MED12L: variants seen among roughly 807,000 people sequenced by gnomAD.
The protein encoded by MED12L is mediator of RNA polymerase II transcription subunit 12-like protein.
MED12L carries 60 observed loss-of-function variants against 281.3 expected under a neutral mutation model. The observed-to-expected ratio is 0.21, with a 90% CI of 0.17 to 0.26. The LOEUF is 0.26. Among genes scored for constraint, MED12L ranks in the 10% least tolerant of loss-of-function variants. MED12L has a pLI of 1.00. For synonymous variants in MED12L, 974 were observed against 987.2 expected (o/e 0.99, Z 0.25); for missense variants, 2,146 against 2,680.9 (o/e 0.80, Z 4.41).
At chr3:151,294,436 C>T (rs199886869) in intron 16 of MED12L, 93 of 1,614,090 alleles carry the variant, frequency 5.8e-5, no homozygotes, top group Middle Eastern at 1.6e-4. Flanking sequence ...GAATTCTGCA[C>T]AAGTGATATG....
chr3:151,360,507 C>G lies in MED12L; in HGVS notation c.2859C>G (p.Pro953=), dbSNP rs756617670. 2 of 1,612,898 alleles carry G rather than the reference C, an allele frequency of 1.2e-6. No individual in the cohort carries two copies. The highest frequency in any genetic ancestry group is 2.2e-5 in the East Asian group (1 of 44,838). Residue 953 remains proline (P), a synonymous_variant, in exon 21 of 45, where the codon CCC becomes CCG. Coordinates refer to ENST00000687756, the MANE Select transcript of MED12L (RefSeq NM_001393769.1). The part of the protein sequence containing the change: ...LCGVVKHVVN[P]SECSSPERCI... ...GTGTGGTCAAGCATGTCGTAAACCC[C>G]TCAGAATGTTCTTCCCCTGAAAGAT... is the stretch of plus-strand genomic sequence containing the variant.
chr3:151,424,444 C>T (rs947206114), intron 43 of MED12L, among the ~76,000 whole-genome samples: 1 of 152,036 alleles, frequency 6.6e-6, no homozygotes, highest in Non-Finnish European at 1.5e-5. Context: ...CACGGTGAAA[C>T]CTGTCTGTAT....
At chr3:151,307,533 C>CTG (rs67391329) in intron 16 of MED12L, among the ~76,000 whole-genome samples, 322 of 137,776 alleles carry the variant, frequency 2.3e-3, no homozygotes, top group South Asian at 6.7e-3. Flanking sequence ...GTAACTTGCT[C>CTG]TGTGTGTGTG....
At chr3:151,159,634 GTTTC>G (rs1298737026) in intron 7 of MED12L, among the ~76,000 whole-genome samples, 194 bp from the exon 8 acceptor site, 2 of 152,052 alleles carry the variant, frequency 1.3e-5, no homozygotes, top group Non-Finnish European at 2.9e-5. Context: ...ATTTTTGCCT[GTTTC>G]TTATTTTTTT....
intron 16 of MED12L, among the ~76,000 whole-genome samples, chr3:151,341,395 A>T (rs1407182048): frequency 6.6e-6 from 1 of 152,062 alleles, no homozygotes; most frequent in South Asian, 2.1e-4. Flanking sequence ...GAATTTAAAT[A>T]TAAACAATTT....
chr3:151,368,912 C>A (rs1449916550), intron 25 of MED12L, among the ~76,000 whole-genome samples: 1 of 151,782 alleles, frequency 6.6e-6, no homozygotes, highest in East Asian at 1.9e-4. Flanking sequence ...TAGGCATGCA[C>A]CACCATGCCT....
intron 42 of MED12L, 22 bp downstream of exon 42, chr3:151,413,317 G>C: frequency 6.2e-7 from 1 of 1,611,002 alleles, no homozygotes; most frequent in Non-Finnish European, 8.5e-7. Flanking sequence ...GGAGATGAGG[G>C]CAATGCCATC....
At chr3:151,285,701 GA>G (rs1559982785) in intron 16 of MED12L, among the ~76,000 whole-genome samples, 1 of 151,884 alleles carries the variant, frequency 6.6e-6, no homozygotes, top group Non-Finnish European at 1.5e-5. Flanking sequence ...AAAAATAAAA[GA>G]AAAAAACATA....
chr3:151,330,943 TA>T (rs1364087896), intron 16 of MED12L, among the ~76,000 whole-genome samples: 2 of 152,230 alleles, frequency 1.3e-5, no homozygotes, highest in African/African-American at 4.8e-5. Context: ...AAATTAATTG[TA>T]AATTTTCCTA....
chr3:151,284,810 G>A (rs1743255052), intron 16 of MED12L, among the ~76,000 whole-genome samples: 1 of 152,128 alleles, frequency 6.6e-6, no homozygotes, highest in South Asian at 2.1e-4. Flanking sequence ...GTTTCTCTAT[G>A]TTGGTCAGGC....
intron 39 of MED12L, among the ~76,000 whole-genome samples, chr3:151,408,447 A>G (rs1409003037): frequency 2.0e-5 from 3 of 152,214 alleles, no homozygotes; most frequent in African/African-American, 7.2e-5. Flanking sequence ...TAATCCTACA[A>G]TAAATCTCAT....
rs147340757 is a variant in MED12L, at chr3:151,324,160, T to C, written c.2251-25899T>C. Among the ~76,000 whole-genome samples the C allele has an allele frequency of 1.4e-4, 21 of 152,360 alleles. No individual in the cohort carries two copies. In the East Asian group the frequency reaches 3.1e-3, roughly 22 times the overall value. On this transcript the variant is annotated intron_variant, in intron 16 of 44. Transcript: ENST00000687756. ...GTATGTTTACTTTGTGCTTCAGTTT[T>C]GTTCCTATTTTTAACTAGAGAGCCT...
At chr3:151,338,104 A>G in intron 16 of MED12L, 6 of 1,614,032 alleles carry the variant, frequency 3.7e-6, no homozygotes, top group Non-Finnish European at 5.1e-6. Flanking sequence ...GGAACAAAAC[A>G]AATAAAGAAT....
intron 16 of MED12L, among the ~76,000 whole-genome samples, chr3:151,238,081 C>G (rs1733287542): frequency 6.6e-6 from 1 of 152,090 alleles, no homozygotes; most frequent in African/African-American, 2.4e-5. Flanking sequence ...CTAACTAGTG[C>G]TTTTTGTATC....
chr3:151,394,535 AT>A (rs1375665782), intron 38 of MED12L, 120 bp from the exon 39 acceptor site: 1 of 1,484,542 alleles, frequency 6.7e-7, no homozygotes, highest in Non-Finnish European at 9.0e-7. Context: ...GGGACAGTGC[AT>A]TTTTTTCTAC....
chr3:151,286,228 G>A (rs149401828), intron 16 of MED12L, among the ~76,000 whole-genome samples: 8 of 152,128 alleles, frequency 5.3e-5, no homozygotes, highest in African/African-American at 1.9e-4. Context: ...CCAGTGCCTT[G>A]GAAAGGCAAA....
chr3:151,145,967 A>C (rs979031581), intron 5 of MED12L, among the ~76,000 whole-genome samples: 2 of 152,068 alleles, frequency 1.3e-5, no homozygotes, highest in Non-Finnish European at 2.9e-5. Flanking sequence ...TTCCCCTACA[A>C]CTTCCTGAGA....
At position 151,086,803 on chromosome 3, in the gene MED12L, C is replaced by CAGCG. The variant is rs925298962; in HGVS notation, c.-109_-106dup. On this transcript the variant is annotated 5_prime_UTR_variant, in exon 2 of 45. Coordinates refer to ENST00000687756, the MANE Select transcript of MED12L (RefSeq NM_001393769.1). ...TTTATTCCTCCTGCCTGCAGCGCCACAGCGAGCGAGCGAGCGAGGAGGGGG... is the reference window on the plus strand; with the variant it reads ...TTTATTCCTCCTGCCTGCAGCGCCACAGCGAGCGAGCGAGCGAGCGAGGAGGGGG... The CAGCG allele has an allele frequency of 7.2e-5, 53 of 731,134 alleles. No homozygotes were observed. Among genetic ancestry groups the CAGCG allele is most frequent in the East Asian group, 1.2e-4 (4 of 34,028 alleles). 45.3% of individuals were successfully genotyped at this position (731,134 alleles called of 1,614,324 possible).
Position 151,173,071 on chromosome 3 carries a change from C to T in MED12L, c.1494+7089C>T, listed in dbSNP as rs552479440. Among the ~76,000 whole-genome samples, 91 of 147,582 alleles carry T rather than the reference C, an allele frequency of 6.2e-4. 1 individual carries two copies. The highest frequency in any genetic ancestry group is 2.1e-3 in the African/African-American group (83 of 38,970). On this transcript the variant is annotated intron_variant, in intron 11 of 44. Transcript: ENST00000687756. Reference sequence around the variant, plus strand: ...TCTTGATTTGTTTTTGAGTATTATGCGACTTTTTTTTTTTTTTAACTTTTT... The same window carrying T: ...TCTTGATTTGTTTTTGAGTATTATGTGACTTTTTTTTTTTTTTAACTTTTT...
Sources: gnomAD v4.1 joint callset for allele counts (sites outside exome capture counted in the v4.1 genomes callset) on GRCh38, gnomAD v4.1.1 for gene constraint, MANE v1.5 for transcripts, NCBI Gene and HGNC (gene_info 2026-07-23, HGNC 2026-07-21) for gene names.